The following GRID1 variants were observed in gnomAD, a reference collection of about 807,000 sequenced individuals.
GRID1 encodes glutamate ionotropic receptor delta type subunit 1, also known as glutamate receptor ionotropic, delta-1.
Under a neutral mutation model 98.0 loss-of-function variants are expected in GRID1, and 28 were observed. The observed-to-expected ratio is 0.29, with a 90% CI of 0.21 to 0.39. The LOEUF (loss-of-function observed/expected upper bound fraction) is 0.39. GRID1 is among the 10% of genes least tolerant of loss of function. The pLI, the probability that GRID1 is intolerant of heterozygous loss-of-function variation, is 1.00. For missense variants in GRID1, 1,111 were observed against 1,340.5 expected (o/e 0.83, Z 2.67); for synonymous variants, 553 against 538.5 (o/e 1.03, Z -0.37).
At chr10:86,094,831 A>G (rs1227177270) in intron 4 of GRID1, among the ~76,000 whole-genome samples, 1 of 105,842 alleles carries the variant, frequency 9.4e-6, no homozygotes, top group Non-Finnish European at 1.8e-5. Context: ...ACAGAATTAG[A>G]AAAAAAAAAA....
chr10:86,127,344 T>C (rs941407849), intron 4 of GRID1, among the ~76,000 whole-genome samples: 10 of 152,190 alleles, frequency 6.6e-5, no homozygotes, highest in African/African-American at 2.4e-4. Context: ...CCTTCTCATC[T>C]GAAGAGTAAC....
At chr10:85,881,972 C>T (rs148116303) in intron 5 of GRID1, among the ~76,000 whole-genome samples, 4,717 of 152,214 alleles carry the variant, frequency 0.031, 202 homozygotes, top group East Asian at 0.19. Context: ...AGGATATGAA[C>T]AGACACTTCT....
At chr10:86,040,647 A>C (rs1331321761) in intron 4 of GRID1, among the ~76,000 whole-genome samples, 1 of 152,104 alleles carries the variant, frequency 6.6e-6, no homozygotes, top group East Asian at 1.9e-4. Flanking sequence ...TTGTTATGTT[A>C]GATAGGAGGA....
At chr10:86,287,930 C>A (rs1847458572) in intron 2 of GRID1, among the ~76,000 whole-genome samples, 1 of 151,870 alleles carries the variant, frequency 6.6e-6, no homozygotes, top group African/African-American at 2.4e-5. Context: ...GCTCCTTAGC[C>A]AATAAGGGTC....
intron 12 of GRID1, among the ~76,000 whole-genome samples, chr10:85,673,572 C>T (rs1309398942): frequency 6.6e-6 from 1 of 152,186 alleles, no homozygotes; most frequent in African/African-American, 2.4e-5. Flanking sequence ...TTGAGGCAAA[C>T]CCTCCACCAG....
chr10:85,892,294 T>C lies in GRID1; in HGVS notation c.781-23114A>G, dbSNP rs113192809. Among the ~76,000 whole-genome samples, 6 of 150,142 alleles carry C rather than the reference T, an allele frequency of 4.0e-5. 1 individual carries two copies. Among genetic ancestry groups the C allele is most frequent in the African/African-American group, 1.5e-4 (6 of 41,116 alleles). The stretch of plus-strand genomic sequence containing the variant: ...TTCAAGCAGCCTAATATACAAGTCA[T>C]TCAAGTCCATGAGGGAGAAGAGAGA... On this transcript the variant is annotated intron_variant, in intron 5 of 15. Transcript: ENST00000327946.
At chr10:86,305,303 G>A (rs1265998033) in intron 2 of GRID1, among the ~76,000 whole-genome samples, 1 of 152,106 alleles carries the variant, frequency 6.6e-6, no homozygotes, top group African/African-American at 2.4e-5. Flanking sequence ...CCCATCATTG[G>A]TCAGGAGCAC....
chr10:85,909,775 A>G (rs1388379909), intron 5 of GRID1, among the ~76,000 whole-genome samples: 1 of 152,168 alleles, frequency 6.6e-6, no homozygotes, highest in Non-Finnish European at 1.5e-5. Context: ...GGAGGGTGGC[A>G]TTCCTGAGGA....
At chr10:85,792,805 A>G (rs910348452) in intron 8 of GRID1, among the ~76,000 whole-genome samples, 14 of 152,122 alleles carry the variant, frequency 9.2e-5, no homozygotes. Context: ...GTAGGCCACA[A>G]TGACCCTTAT....
chr10:85,654,391 T>C (rs1409068399), intron 12 of GRID1, among the ~76,000 whole-genome samples: 2 of 152,258 alleles, frequency 1.3e-5, no homozygotes, highest in African/African-American at 2.4e-5. Flanking sequence ...AGTGAATGCC[T>C]GCAAGACTTC....
chr10:86,233,403 C>T (rs1012482727), intron 2 of GRID1, among the ~76,000 whole-genome samples: 4 of 152,176 alleles, frequency 2.6e-5, no homozygotes, highest in South Asian at 4.1e-4. Flanking sequence ...CTGATGGAGT[C>T]GCAGATGCTA....
intron 4 of GRID1, among the ~76,000 whole-genome samples, chr10:85,923,505 G>A (rs561265430): frequency 2.0e-4 from 30 of 152,246 alleles, no homozygotes; most frequent in African/African-American, 7.0e-4. Context: ...GGGGGCAATC[G>A]CTGGCATTTA....
intron 12 of GRID1, among the ~76,000 whole-genome samples, chr10:85,676,397 G>T (rs374830870): frequency 6.6e-6 from 1 of 152,168 alleles, no homozygotes; most frequent in Non-Finnish European, 1.5e-5. Context: ...GTTCTTGCGG[G>T]ATCAGGCTGG....
intron 6 of GRID1, among the ~76,000 whole-genome samples, chr10:85,867,256 T>C (rs556282077): frequency 1.3e-5 from 2 of 152,336 alleles, no homozygotes; most frequent in South Asian, 2.1e-4. Context: ...TTCTGTGCCA[T>C]GGAAAGTGGC....
Position 85,869,117 on chromosome 10 carries a change from G to T in GRID1, c.844C>A (p.Arg282=). ...TCCTTTGCAGACGGAAAGATTTGCC[G>T]GACCACGGTCATCCTTCCAAGGGCA... is the stretch of plus-strand genomic sequence containing the variant. ...HSALGRMTVV[R]QIFPSAKDNQ... The change falls in exon 6 of 16, where the codon CGG becomes AGG. Residue 282 remains arginine (R), a synonymous_variant. Coordinates refer to ENST00000327946, the MANE Select transcript of GRID1 (RefSeq NM_017551.3). 6.2e-7 allele frequency: 1 copy of T among 1,613,702 alleles called. No individual in the cohort carries two copies. Among genetic ancestry groups the T allele is most frequent in the Non-Finnish European group, 8.5e-7 (1 of 1,179,620 alleles).
chr10:85,620,233 T>A (rs897406607), intron 13 of GRID1, among the ~76,000 whole-genome samples, 200 bp from the exon 14 acceptor site: 1 of 152,006 alleles, frequency 6.6e-6, no homozygotes, highest in East Asian at 1.9e-4. Flanking sequence ...TGACTAGACA[T>A]AAAAGGTGCG....
At chr10:85,962,491 A>T (rs576880581) in intron 4 of GRID1, among the ~76,000 whole-genome samples, 10 of 152,226 alleles carry the variant, frequency 6.6e-5, no homozygotes, top group Non-Finnish European at 1.5e-5. Context: ...CAGAGAAGTT[A>T]CATTGCCTGG....
intron 7 of GRID1, among the ~76,000 whole-genome samples, chr10:85,854,848 T>C (rs1382952401): frequency 6.6e-6 from 1 of 152,236 alleles, no homozygotes; most frequent in African/African-American, 2.4e-5. Context: ...CACCTGTCAT[T>C]CATACCATCT....
At chr10:86,047,255 A>C (rs1843436950) in intron 4 of GRID1, among the ~76,000 whole-genome samples, 1 of 152,226 alleles carries the variant, frequency 6.6e-6, no homozygotes, top group Non-Finnish European at 1.5e-5. Flanking sequence ...GGGAGAAGGT[A>C]GTCTGGCAAC....
Sources: gnomAD v4.1 joint callset for allele counts (sites outside exome capture counted in the v4.1 genomes callset) on GRCh38, gnomAD v4.1.1 for gene constraint, MANE v1.5 for transcripts, NCBI Gene and HGNC (gene_info 2026-07-23, HGNC 2026-07-21) for gene names.